Variants in MYO5A observed in about 807,000 individuals in gnomAD.
The protein encoded by MYO5A is unconventional myosin-Va.
MYO5A carries 98 observed loss-of-function variants against 249.7 expected under a neutral mutation model. The observed-to-expected ratio is 0.39, with a 90% CI of 0.33 to 0.46. The LOEUF (loss-of-function observed/expected upper bound fraction) is 0.46, where lower values mean the gene tolerates loss of function less well. Ranked by LOEUF, MYO5A falls within the 20% of genes least tolerant of loss-of-function variation. The pLI is 0.98. For missense variants in MYO5A, 1,696 were observed against 2,308.8 expected (o/e 0.73, Z 5.44); for synonymous variants, 778 against 810.6 (o/e 0.96, Z 0.68).
chr15:52,479,400 T>C (rs28483042), intron 1 of MYO5A, among the ~76,000 whole-genome samples: 1 of 152,148 alleles, frequency 6.6e-6, no homozygotes, highest in African/African-American at 2.4e-5. Flanking sequence ...TCGATATTTC[T>C]AGGCTACATA....
Position 52,379,624 on chromosome 15 carries a change from C to A in MYO5A, c.2208+1G>T. The A allele has an allele frequency of 6.2e-7, 1 of 1,612,294 alleles. No individual in the cohort carries two copies. The highest frequency in any genetic ancestry group is 1.7e-5 in the Admixed American group (1 of 60,028). ...ATGACGGTAAGCGAAATCATTCTCA[C>A]CAGTATCAGTTTCTCTAACACATTC... is the stretch of plus-strand genomic sequence containing the variant. On this transcript the variant is annotated splice_donor_variant, in intron 18 of 41. Transcript: ENST00000399233. LOFTEE classifies it high-confidence loss of function.
In MYO5A at chr15:52,310,497, A is replaced by G. The variant is rs181814032; in HGVS notation, c.*3199T>C. ...TTTGAATTCCCATTGTGTGTCACAG[A>G]GGAATTAAGAAAAAGTTGATGACTG... On this transcript the variant is annotated 3_prime_UTR_variant, in exon 42 of 42. Coordinates refer to ENST00000399233, the MANE Select transcript of MYO5A (RefSeq NM_001382347.1). The G allele has an allele frequency of 2.6e-5, 4 of 152,370 alleles. No individual in the cohort carries two copies. The East Asian group carries it at 7.7e-4, about 29-fold the overall frequency. The allele number at this position is 152,370 out of a possible 1,614,324, so 9.4% of individuals were successfully genotyped here.
chr15:52,343,811 T>C (rs985853360), intron 30 of MYO5A, among the ~76,000 whole-genome samples: 9 of 152,252 alleles, frequency 5.9e-5, no homozygotes, highest in Admixed American at 2.6e-4. Context: ...AACTGCTATA[T>C]TAGAGATGTA....
rs377416060 is a variant in MYO5A, at chr15:52,319,161, C to T, written c.5133G>A (p.Lys1711=). Residue 1711 remains lysine (K), a synonymous_variant, in exon 39 of 42, where the codon AAG becomes AAA. Transcript: ENST00000399233. ...CQHGMDPELI[K]QVVKQMFYII... ...TGTAGAACATCTGCTTGACCACCTG[C>T]TTGATCAGTTCAGGGTCCATGCCAT... 40 of 1,614,174 alleles carry T rather than the reference C, an allele frequency of 2.5e-5. No individual in the cohort carries two copies. In the African/African-American group the frequency reaches 4.8e-4, roughly 19 times the overall value.
rs754003506 is a variant in MYO5A at position 52,360,055 on chromosome 15, T to A, written c.3336A>T (p.Arg1112Ser). 1 of 1,613,606 alleles carries A rather than the reference T, an allele frequency of 6.2e-7. No individual in the cohort carries two copies. Among genetic ancestry groups the A allele is most frequent in the Non-Finnish European group, 8.5e-7 (1 of 1,179,658 alleles). The change falls in exon 25 of 42, where the codon AGA becomes AGT. Residue 1112 changes from arginine (R) to serine (S), a missense_variant. Arg to Ser is a moderately radical substitution (Grantham distance 110). Coordinates refer to ENST00000399233, the MANE Select transcript of MYO5A (RefSeq NM_001382347.1). ...MVHVPKPGHK[R>S]TDSTHSSNES... Reference sequence around the variant, plus strand: ...CGTTGCTGCTGTGGGTGGAGTCTGTTCTCTTGTGTCCAGGCTTAGGCACAT... The same window carrying A: ...CGTTGCTGCTGTGGGTGGAGTCTGTACTCTTGTGTCCAGGCTTAGGCACAT...
chr15:52,469,741 C>G (rs1363305491), intron 1 of MYO5A, among the ~76,000 whole-genome samples: 1 of 152,212 alleles, frequency 6.6e-6, no homozygotes, highest in Non-Finnish European at 1.5e-5. Flanking sequence ...CAAAAGCAGT[C>G]TTGAAAAATC....
intron 1 of MYO5A, among the ~76,000 whole-genome samples, chr15:52,448,258 G>C (rs1451736488): frequency 6.6e-6 from 1 of 152,206 alleles, no homozygotes; most frequent in East Asian, 1.9e-4. Context: ...GATTCTTTTG[G>C]AACTTTAAGA....
At chr15:52,377,657 G>A (rs2041492341) in intron 18 of MYO5A, among the ~76,000 whole-genome samples, 1 of 145,218 alleles carries the variant, frequency 6.9e-6, no homozygotes, top group African/African-American at 2.5e-5. Context: ...TGCAGCCTCC[G>A]CCTTCTGGGT....
At chr15:52,400,967 TC>T (rs1457998374) in intron 9 of MYO5A, among the ~76,000 whole-genome samples, 1 of 152,204 alleles carries the variant, frequency 6.6e-6, no homozygotes, top group African/African-American at 2.4e-5. Context: ...TCTTCTTGCA[TC>T]TTAGATCTTC....
At chr15:52,374,261 TG>T (rs1198128402) in intron 20 of MYO5A, among the ~76,000 whole-genome samples, 1 of 152,232 alleles carries the variant, frequency 6.6e-6, no homozygotes, top group Non-Finnish European at 1.5e-5. Flanking sequence ...TTTGGAGCAT[TG>T]TATCTGTCAA....
rs1449492757 is a variant in MYO5A, at chr15:52,309,244, G to C, written c.*4452C>G. 1 of 152,252 alleles carries C rather than the reference G, an allele frequency of 6.6e-6. No individual in the cohort carries two copies. The highest frequency in any genetic ancestry group is 1.5e-5 in the Non-Finnish European group (1 of 68,072). The allele number at this position is 152,252 out of a possible 1,614,324, so 9.4% of individuals were successfully genotyped here. A position where few individuals can be genotyped will look rare whatever the true frequency, so the allele number is the denominator to read the frequency against. On this transcript the variant is annotated 3_prime_UTR_variant, in exon 42 of 42. Coordinates refer to ENST00000399233, the MANE Select transcript of MYO5A (RefSeq NM_001382347.1). ...TGCTACCAATTAATGCCCAAACAGA[G>C]TATTGCATCCTCCCAGAGAGCACTG...
At chr15:52,348,378 T>C (rs939383897) in intron 29 of MYO5A, among the ~76,000 whole-genome samples, 7 of 152,222 alleles carry the variant, frequency 4.6e-5, no homozygotes, top group Admixed American at 1.3e-4. Flanking sequence ...CTGTGGACTC[T>C]ACACTCAGGG....
At chr15:52,318,940 T>G in intron 39 of MYO5A, 120 bp downstream of exon 39, 1 of 1,299,700 alleles carries the variant, frequency 7.7e-7, no homozygotes, top group South Asian at 1.3e-5. Flanking sequence ...CCTTGCTGCT[T>G]GGCCACATGG....
Position 52,397,425 on chromosome 15 carries a change from A to G in MYO5A, c.1095T>C (p.Gly365=), listed in dbSNP as rs2042538111. The stretch of plus-strand genomic sequence containing the variant: ...AGTGACACATCTCCTCATAGTCCAC[A>G]CCCATGAGTTCACAGAAGATGCAGA... ...EPLCIFCELM[G]VDYEEMCHWL... Residue 365 remains glycine, a synonymous_variant, in exon 10 of 42, where the codon GGT becomes GGC. Coordinates refer to ENST00000399233, the MANE Select transcript of MYO5A (RefSeq NM_001382347.1). The G allele has an allele frequency of 6.2e-7, 1 of 1,613,944 alleles. No homozygotes were observed. Among genetic ancestry groups the G allele is most frequent in the Non-Finnish European group, 8.5e-7 (1 of 1,179,824 alleles).
At chr15:52,514,113 G>A (rs902281934) in intron 1 of MYO5A, among the ~76,000 whole-genome samples, 14 of 152,242 alleles carry the variant, frequency 9.2e-5, no homozygotes, top group African/African-American at 3.4e-4. Context: ...AAAATACAAA[G>A]AAGATTTGGA....
At chr15:52,381,792 A>T (rs1009046887) in intron 16 of MYO5A, among the ~76,000 whole-genome samples, 6 of 151,822 alleles carry the variant, frequency 4.0e-5, no homozygotes, top group Non-Finnish European at 8.8e-5. Flanking sequence ...TCACACACAC[A>T]CACACACACA....
At chr15:52,417,738 T>C (rs1053555293) in intron 4 of MYO5A, among the ~76,000 whole-genome samples, 1 of 152,092 alleles carries the variant, frequency 6.6e-6, no homozygotes, top group African/African-American at 2.4e-5. Context: ...TTAAGCTGAT[T>C]TCCTCTCTGC....
intron 1 of MYO5A, among the ~76,000 whole-genome samples, chr15:52,524,912 A>T (rs1026255683): frequency 1.0e-4 from 13 of 125,384 alleles, no homozygotes; most frequent in Non-Finnish European, 1.7e-4. Context: ...GCTTCAAGTA[A>T]TCTTGACCAT....
chr15:52,407,952 A>G (rs949842496), intron 7 of MYO5A, 107 bp downstream of exon 7: 6 of 787,714 alleles, frequency 7.6e-6, no homozygotes, highest in East Asian at 5.0e-5. Flanking sequence ...CATATTATCC[A>G]TAAGTATTCC....
Sources: gnomAD v4.1 joint callset for allele counts (sites outside exome capture counted in the v4.1 genomes callset) on GRCh38, gnomAD v4.1.1 for gene constraint, MANE v1.5 for transcripts, NCBI Gene and HGNC (gene_info 2026-07-23, HGNC 2026-07-21) for gene names.